The following DCDC2 variants were observed in gnomAD, a reference collection of about 807,000 sequenced individuals.
DCDC2 encodes doublecortin domain-containing protein 2.
In DCDC2, 40 loss-of-function variants were observed where a neutral mutation model predicts 50.2. The ratio of observed to expected loss-of-function variants is 0.80; its 90% confidence interval spans 0.62 to 1.04. DCDC2 has a LOEUF of 1.04. Among genes scored for constraint, DCDC2 ranks in the 50% least tolerant of loss-of-function variants. The pLI, the probability that DCDC2 is intolerant of heterozygous loss-of-function variation, is 0.00. For synonymous variants in DCDC2, 234 were observed against 210.6 expected, an observed-to-expected ratio of 1.11 and a Z score of -0.96; for missense variants, 570 against 581.9, an observed-to-expected ratio of 0.98 and a Z score of 0.21.
chr6:24,270,479 C>CAT (rs1459040974), intron 7 of DCDC2, among the ~76,000 whole-genome samples: 1 of 152,010 alleles, frequency 6.6e-6, no homozygotes, highest in Non-Finnish European at 1.5e-5. Context: ...CACACACACA[C>CAT]ATATATATCA....
chr6:24,243,833 G>C (rs761944059), intron 7 of DCDC2, among the ~76,000 whole-genome samples: 29 of 152,108 alleles, frequency 1.9e-4, no homozygotes, highest in Admixed American at 7.2e-4. Context: ...AATGGGAATG[G>C]GGGTTGAGTG....
chr6:24,329,417 A>G (rs1399805129), intron 2 of DCDC2, among the ~76,000 whole-genome samples: 1 of 152,236 alleles, frequency 6.6e-6, no homozygotes, highest in Non-Finnish European at 1.5e-5. Context: ...GTTTATTGAA[A>G]GAGTAGTTGA....
At chr6:24,235,719 C>A (rs1762429481) in intron 7 of DCDC2, among the ~76,000 whole-genome samples, 1 of 152,148 alleles carries the variant, frequency 6.6e-6, no homozygotes, top group Admixed American at 6.5e-5. Flanking sequence ...AAGCTGGAAG[C>A]ATTCCCCTTG....
At chr6:24,265,989 CTAAT>C (rs1466391481) in intron 7 of DCDC2, among the ~76,000 whole-genome samples, 2 of 151,348 alleles carry the variant, frequency 1.3e-5, no homozygotes, top group Non-Finnish European at 2.9e-5. Context: ...TTTAGCCAGA[CTAAT>C]AAAAAAAGAC....
intron 7 of DCDC2, among the ~76,000 whole-genome samples, chr6:24,215,761 C>T (rs1761959628): frequency 6.6e-6 from 1 of 152,230 alleles, no homozygotes; most frequent in Non-Finnish European, 1.5e-5. Flanking sequence ...ATCAGCACCA[C>T]TCCCGGCTGA....
upstream of DCDC2, among the ~76,000 whole-genome samples, chr6:24,362,666 G>T (rs575715077): frequency 2.2e-4 from 34 of 152,226 alleles, no homozygotes; most frequent in Admixed American, 5.2e-4. Context: ...TCTCCTGACA[G>T]CTTCTCTAGA....
At chr6:24,311,708 G>T (rs550387678) in intron 2 of DCDC2, among the ~76,000 whole-genome samples, 1 of 152,122 alleles carries the variant, frequency 6.6e-6, no homozygotes, top group Non-Finnish European at 1.5e-5. Flanking sequence ...ATCTCTCAAG[G>T]TCATGCAGTA....
chr6:24,318,765 C>T (rs371699228), intron 2 of DCDC2, among the ~76,000 whole-genome samples: 30 of 116,706 alleles, frequency 2.6e-4, no homozygotes, highest in African/African-American at 1.0e-3. Context: ...AATAATATTC[C>T]GTTTTATATA....
At chr6:24,238,776 C>T (rs1243288476) in intron 7 of DCDC2, among the ~76,000 whole-genome samples, 3 of 152,138 alleles carry the variant, frequency 2.0e-5, no homozygotes, top group Non-Finnish European at 4.4e-5. Flanking sequence ...ATGTCCTCCA[C>T]GCAGTTCTGC....
At chr6:24,369,914 T>A in the DCDC2 span, among the ~76,000 whole-genome samples, 1 of 151,068 alleles carries the variant, frequency 6.6e-6, no homozygotes, top group Non-Finnish European at 1.5e-5. Context: ...TGGTGGTGCA[T>A]GCCTGTGGTC....
intron 4 of DCDC2, among the ~76,000 whole-genome samples, chr6:24,298,524 G>T (rs1021431893): frequency 6.6e-6 from 1 of 152,094 alleles, no homozygotes; most frequent in African/African-American, 2.4e-5. Context: ...CATAACCCTG[G>T]GCAAATAATT....
intron 6 of DCDC2, among the ~76,000 whole-genome samples, chr6:24,283,837 G>A (rs997345790): frequency 3.3e-5 from 5 of 152,166 alleles, no homozygotes; most frequent in Non-Finnish European, 5.9e-5. Flanking sequence ...TGCCTAAGCC[G>A]AGTTTGTGAG....
intron 2 of DCDC2, among the ~76,000 whole-genome samples, chr6:24,307,344 T>C (rs146867428): frequency 7.7e-4 from 118 of 152,314 alleles, no homozygotes; most frequent in African/African-American, 2.5e-3. Context: ...GATTATAGAA[T>C]TTAAAAGCTC....
intron 2 of DCDC2, among the ~76,000 whole-genome samples, chr6:24,335,703 C>T (rs887201152): frequency 2.6e-5 from 4 of 152,158 alleles, no homozygotes; most frequent in Admixed American, 6.5e-5. Context: ...ACTCAGGAAA[C>T]TTACAATCAT....
intron 7 of DCDC2, among the ~76,000 whole-genome samples, chr6:24,218,579 ACCT>A (rs1561894585): frequency 6.6e-6 from 1 of 151,890 alleles, no homozygotes; most frequent in Admixed American, 6.6e-5. Context: ...TGCAGTCTTG[ACCT>A]CCTGCCTCCA....
chr6:24,335,432 G>A (rs1309091005), intron 2 of DCDC2, among the ~76,000 whole-genome samples: 1 of 152,166 alleles, frequency 6.6e-6, no homozygotes, highest in Non-Finnish European at 1.5e-5. Context: ...TGTATAGTAA[G>A]TATTTGTCAT....
intron 7 of DCDC2, among the ~76,000 whole-genome samples, chr6:24,221,333 C>T (rs1451713442): frequency 1.3e-5 from 2 of 152,180 alleles, no homozygotes; most frequent in African/African-American, 2.4e-5. Context: ...GATGTCTGCT[C>T]ACTTGCCTGT....
the DCDC2 span, among the ~76,000 whole-genome samples, chr6:24,364,013 A>G: frequency 3.3e-5 from 5 of 152,208 alleles, no homozygotes; most frequent in South Asian, 4.1e-4. Flanking sequence ...AAATCTTCCT[A>G]TGGCTCTCCA....
At chr6:24,230,108 T>A (rs1397371335) in intron 7 of DCDC2, among the ~76,000 whole-genome samples, 1 of 152,204 alleles carries the variant, frequency 6.6e-6, no homozygotes, top group Admixed American at 6.5e-5. Context: ...TTTTTAAAAA[T>A]CTTATTTTAA....
Sources: gnomAD v4.1 joint callset for allele counts (sites outside exome capture counted in the v4.1 genomes callset) on GRCh38, gnomAD v4.1.1 for gene constraint, MANE v1.5 for transcripts, NCBI Gene and HGNC (gene_info 2026-07-23, HGNC 2026-07-21) for gene names.